The following CNTNAP2 variants were observed in gnomAD, a reference collection of about 807,000 sequenced individuals.
The protein encoded by CNTNAP2 is contactin associated protein 2, also known as contactin-associated protein-like 2.
A neutral mutation model predicts 155.2 loss-of-function variants in CNTNAP2; 98 were observed. The ratio of observed to expected loss-of-function variants is 0.63; its 90% CI spans 0.54 to 0.75. The LOEUF (loss-of-function observed/expected upper bound fraction) is 0.75. Among genes scored for constraint, CNTNAP2 ranks in the 30% least tolerant of loss-of-function variants. The pLI is 0.00. For synonymous variants in CNTNAP2, 651 were observed against 631.2 expected, an observed-to-expected ratio of 1.03 and a Z score of -0.47; for missense variants, 1,727 against 1,688.1, an observed-to-expected ratio of 1.02 and a Z score of -0.40.
At chr7:146,769,206 G>A (rs1329704932) in intron 1 of CNTNAP2, among the ~76,000 whole-genome samples, 1 of 152,212 alleles carries the variant, frequency 6.6e-6, no homozygotes, top group Non-Finnish European at 1.5e-5. Flanking sequence ...GCTGTGTATG[G>A]CTGTAGTTTT....
At chr7:147,318,217 G>C (rs1795272804) in intron 9 of CNTNAP2, among the ~76,000 whole-genome samples, 1 of 152,132 alleles carries the variant, frequency 6.6e-6, no homozygotes, top group African/African-American at 2.4e-5. Context: ...TGAGGTAGGA[G>C]AATCACTTGA....
intron 21 of CNTNAP2, among the ~76,000 whole-genome samples, chr7:148,318,689 T>C (rs1797734040): frequency 6.6e-6 from 1 of 152,190 alleles, no homozygotes; most frequent in African/African-American, 2.4e-5. Context: ...CCTTTGCAAA[T>C]GAGTTTCGTG....
intron 14 of CNTNAP2, among the ~76,000 whole-genome samples, chr7:147,918,454 T>C (rs181203558): frequency 2.9e-3 from 444 of 151,942 alleles, no homozygotes; most frequent in Non-Finnish European, 5.3e-3. Context: ...AGGTAAATCA[T>C]CCAAGTCAGT....
At chr7:146,706,788 G>A (rs948017438) in intron 1 of CNTNAP2, among the ~76,000 whole-genome samples, 5 of 151,902 alleles carry the variant, frequency 3.3e-5, no homozygotes, top group African/African-American at 1.2e-4. Flanking sequence ...TGGGAGCAGG[G>A]AGAGGATCAG....
chr7:146,981,919 A>G (rs1402017847), intron 3 of CNTNAP2, among the ~76,000 whole-genome samples: 2 of 152,220 alleles, frequency 1.3e-5, no homozygotes, highest in Admixed American at 6.5e-5. Context: ...AATCTTCGTC[A>G]CAAATATTCA....
intron 3 of CNTNAP2, among the ~76,000 whole-genome samples, chr7:146,958,403 T>C (rs1455120822): frequency 6.8e-6 from 1 of 146,718 alleles, no homozygotes; most frequent in Non-Finnish European, 1.5e-5. Context: ...AACACATTTT[T>C]ATGGTTTTTT....
intron 11 of CNTNAP2, among the ~76,000 whole-genome samples, chr7:147,497,598 A>G (rs1328922398): frequency 3.9e-5 from 6 of 152,166 alleles, no homozygotes; most frequent in Admixed American, 3.3e-4. Flanking sequence ...TCCCATTTGT[A>G]TTACTGCAAA....
At chr7:146,502,421 A>G (rs1659457389) in intron 1 of CNTNAP2, among the ~76,000 whole-genome samples, 1 of 151,714 alleles carries the variant, frequency 6.6e-6, no homozygotes, top group Admixed American at 6.6e-5. Flanking sequence ...AGATTTCTGG[A>G]TCATACTGTT....
intron 8 of CNTNAP2, among the ~76,000 whole-genome samples, chr7:147,198,232 CTT>C (rs71525992): frequency 8.0e-5 from 9 of 113,088 alleles, no homozygotes; most frequent in African/African-American, 1.9e-4. Flanking sequence ...TTCCAATATC[CTT>C]TTTTTTTTTT....
At chr7:146,453,764 A>T (rs1164265070) in intron 1 of CNTNAP2, among the ~76,000 whole-genome samples, 2 of 152,200 alleles carry the variant, frequency 1.3e-5, no homozygotes, top group Admixed American at 6.5e-5. Context: ...ACTTCTAGAG[A>T]TTATAAAATG....
At chr7:147,981,973 C>T (rs1801539157) in intron 15 of CNTNAP2, among the ~76,000 whole-genome samples, 1 of 151,746 alleles carries the variant, frequency 6.6e-6, no homozygotes, top group African/African-American at 2.4e-5. Flanking sequence ...CACGTACGCA[C>T]CTAGAAAGAA....
At chr7:146,488,242 T>C (rs1283524373) in intron 1 of CNTNAP2, among the ~76,000 whole-genome samples, 2 of 147,312 alleles carry the variant, frequency 1.4e-5, no homozygotes, top group African/African-American at 2.5e-5. Flanking sequence ...GCTTTCTTTC[T>C]TTCCTCCCTT....
At chr7:146,853,041 G>GCT (rs1794909952) in intron 3 of CNTNAP2, among the ~76,000 whole-genome samples, 1 of 152,120 alleles carries the variant, frequency 6.6e-6, no homozygotes, top group Non-Finnish European at 1.5e-5. Flanking sequence ...AGTCATTCAG[G>GCT]CTCTTTACAT....
chr7:147,055,134 T>C (rs1799535743), intron 4 of CNTNAP2, among the ~76,000 whole-genome samples: 1 of 152,144 alleles, frequency 6.6e-6, no homozygotes, highest in African/African-American at 2.4e-5. Flanking sequence ...CACCCCCAAA[T>C]AATAATATTT....
intron 20 of CNTNAP2, among the ~76,000 whole-genome samples, chr7:148,252,013 C>A (rs976958354): frequency 4.6e-5 from 7 of 152,194 alleles, no homozygotes; most frequent in African/African-American, 1.7e-4. Context: ...AGTTCTCCTC[C>A]AGGCCATTTT....
At chr7:146,199,716 T>C (rs1041801907) in intron 1 of CNTNAP2, among the ~76,000 whole-genome samples, 10 of 152,118 alleles carry the variant, frequency 6.6e-5, no homozygotes, top group African/African-American at 2.4e-4. Context: ...TTCAGGTCAA[T>C]AGAGAAATTA....
intron 10 of CNTNAP2, among the ~76,000 whole-genome samples, chr7:147,414,541 G>A (rs1563195939): frequency 6.6e-6 from 1 of 151,720 alleles, no homozygotes; most frequent in African/African-American, 2.4e-5. Context: ...ACTATCAGCA[G>A]CTTTTTCTTA....
At chr7:146,139,749 C>A (rs941950704) in intron 1 of CNTNAP2, among the ~76,000 whole-genome samples, 1 of 151,780 alleles carries the variant, frequency 6.6e-6, no homozygotes, top group Non-Finnish European at 1.5e-5. Context: ...ACTAAGGGAC[C>A]CTATTTAAGA....
rs57769048 is a variant in CNTNAP2 at position 148,266,119 on chromosome 7, A to G, written c.3382-914A>G. Among the ~76,000 whole-genome samples the G allele has an allele frequency of 7.5e-3, 1,138 of 152,302 alleles. 13 individuals are homozygous for G. The highest frequency in any genetic ancestry group is 0.026 in the African/African-American group (1,069 of 41,558). On this transcript the variant is annotated intron_variant, in intron 20 of 23. Coordinates refer to ENST00000361727, the MANE Select transcript of CNTNAP2 (RefSeq NM_014141.6). ...ACACAATTGACGTGGCCCCCATGGG[A>G]ATGCCCATGTCGGAAAGCAATGCTG...
Sources: gnomAD v4.1 joint callset for allele counts (sites outside exome capture counted in the v4.1 genomes callset) on GRCh38, gnomAD v4.1.1 for gene constraint, MANE v1.5 for transcripts, NCBI Gene and HGNC (gene_info 2026-07-23, HGNC 2026-07-21) for gene names.